The following ARB2A variants were observed in gnomAD, a reference collection of about 807,000 sequenced individuals.
The protein encoded by ARB2A is ARB2 cotranscriptional regulator A, also known as cotranscriptional regulator ARB2A.
At chr5:94,102,341 TGATA>T in the ARB2A span, among the ~76,000 whole-genome samples, 1 of 152,068 alleles carries the variant, frequency 6.6e-6, no homozygotes, top group African/African-American at 2.4e-5. Flanking sequence ...CAAACTGATC[TGATA>T]GAGATGAAAA....
chr5:93,642,968 G>A, the ARB2A span, among the ~76,000 whole-genome samples: 1 of 152,134 alleles, frequency 6.6e-6, no homozygotes, highest in East Asian at 1.9e-4. Flanking sequence ...AGCATATCAG[G>A]AGAAGTAACT....
At chr5:93,771,754 G>A in the ARB2A span, among the ~76,000 whole-genome samples, 1 of 152,132 alleles carries the variant, frequency 6.6e-6, no homozygotes, top group Non-Finnish European at 1.5e-5. Context: ...AACCACAATG[G>A]GATACCATCT....
At chr5:93,962,258 C>T in the ARB2A span, among the ~76,000 whole-genome samples, 2 of 152,148 alleles carry the variant, frequency 1.3e-5, no homozygotes, top group Non-Finnish European at 2.9e-5. Flanking sequence ...GTGGAATACT[C>T]GTGAACACCA....
At chr5:93,997,583 C>A in the ARB2A span, among the ~76,000 whole-genome samples, 2 of 151,978 alleles carry the variant, frequency 1.3e-5, no homozygotes, top group Non-Finnish European at 2.9e-5. Flanking sequence ...AACATTTTCA[C>A]AAACTGGTCT....
chr5:93,996,818 C>G, the ARB2A span, among the ~76,000 whole-genome samples: 1 of 151,960 alleles, frequency 6.6e-6, no homozygotes, highest in Admixed American at 6.6e-5. Flanking sequence ...AAAAGCAAGA[C>G]AATTACAATT....
the ARB2A span, among the ~76,000 whole-genome samples, chr5:93,687,742 C>T: frequency 6.6e-6 from 1 of 152,046 alleles, no homozygotes; most frequent in African/African-American, 2.4e-5. Flanking sequence ...CAGATTATTT[C>T]TCAGGGGTGG....
At chr5:93,827,809 A>C in the ARB2A span, among the ~76,000 whole-genome samples, 3 of 151,876 alleles carry the variant, frequency 2.0e-5, no homozygotes, top group South Asian at 2.1e-4. Context: ...TCAGCTTTCT[A>C]CATATGGCTA....
the ARB2A span, among the ~76,000 whole-genome samples, chr5:93,983,772 G>A: frequency 6.6e-6 from 1 of 152,116 alleles, no homozygotes; most frequent in Non-Finnish European, 1.5e-5. Context: ...CATGCTTGGA[G>A]GATAAAAGAT....
the ARB2A span, chr5:93,781,827 ATTAAT>A: frequency 1.1e-5 from 10 of 934,364 alleles, no homozygotes; most frequent in African/African-American, 1.8e-4. Flanking sequence ...CATGTATCAC[ATTAAT>A]TTAAACATAC....
the ARB2A span, chr5:94,111,680 A>T: frequency 6.6e-6 from 1 of 152,340 alleles, no homozygotes; most frequent in East Asian, 1.9e-4. Flanking sequence ...TTGATACGTC[A>T]TTACGCACTT....
the ARB2A span, among the ~76,000 whole-genome samples, chr5:93,932,827 G>T: frequency 6.6e-6 from 1 of 152,090 alleles, no homozygotes; most frequent in Non-Finnish European, 1.5e-5. Flanking sequence ...GGTTTTAAGG[G>T]TTTTATCCTT....
chr5:94,067,670 T>C, the ARB2A span, among the ~76,000 whole-genome samples: 33 of 151,972 alleles, frequency 2.2e-4, no homozygotes, highest in Non-Finnish European at 4.1e-4. Flanking sequence ...ATGAGAGAAA[T>C]TGAAGAGGAC....
chr5:93,837,601 G>T, the ARB2A span, among the ~76,000 whole-genome samples: 2 of 152,018 alleles, frequency 1.3e-5, no homozygotes, highest in Admixed American at 1.3e-4. Context: ...TTTCCAGAAA[G>T]GCTGAACTAA....
chr5:93,747,254 AATT>A, the ARB2A span, among the ~76,000 whole-genome samples: 13 of 152,226 alleles, frequency 8.5e-5, no homozygotes, highest in East Asian at 9.7e-4. Flanking sequence ...GTGTTGTGAG[AATT>A]ATTATTATTT....
chr5:93,823,185 T>C, the ARB2A span, among the ~76,000 whole-genome samples: 49 of 152,340 alleles, frequency 3.2e-4, no homozygotes, highest in African/African-American at 1.1e-3. Context: ...TAAGAGATTA[T>C]GGACAGATCC....
the ARB2A span, among the ~76,000 whole-genome samples, chr5:93,854,975 T>C: frequency 6.6e-6 from 1 of 152,120 alleles, no homozygotes; most frequent in African/African-American, 2.4e-5. Flanking sequence ...CTATTAGGTC[T>C]GCATGATGCA....
At chr5:94,107,301 T>G in the ARB2A span, among the ~76,000 whole-genome samples, 1 of 118,024 alleles carries the variant, frequency 8.5e-6, no homozygotes, top group African/African-American at 3.3e-5. Context: ...CTCTAATTTC[T>G]CTGTAACTTA....
At chr5:93,678,194 T>C in the ARB2A span, among the ~76,000 whole-genome samples, 1 of 152,282 alleles carries the variant, frequency 6.6e-6, no homozygotes, top group Admixed American at 6.5e-5. Context: ...TTTTATATGG[T>C]TCCCAAAGCT....
chr5:94,093,938 A>G, the ARB2A span, among the ~76,000 whole-genome samples: 11 of 152,200 alleles, frequency 7.2e-5, no homozygotes, highest in African/African-American at 2.7e-4. Flanking sequence ...ATTAGAAAGA[A>G]GGAAGAAAAG....
Sources: allele counts gnomAD v4.1 joint callset (sites outside exome capture counted in the v4.1 genomes callset), GRCh38; gene constraint gnomAD v4.1.1; transcripts MANE v1.5; gene names NCBI Gene and HGNC (gene_info 2026-07-23, HGNC 2026-07-21).